The following CD2AP variants were observed in gnomAD, a reference collection of about 807,000 sequenced individuals.
The protein encoded by CD2AP is CD2-associated protein.
A neutral mutation model predicts 85.1 loss-of-function variants in CD2AP; 46 were observed. The observed-to-expected ratio is 0.54, with a 90% confidence interval of 0.43 to 0.69. The LOEUF (loss-of-function observed/expected upper bound fraction) is 0.69, where lower values mean the gene tolerates loss of function less well. Ranked by LOEUF, CD2AP falls within the 30% of genes least tolerant of loss-of-function variation. The probability of loss-of-function intolerance (pLI) is 0.00; values close to 1 mark genes in which losing one functional copy is unlikely to be tolerated. For synonymous variants in CD2AP, 255 were observed against 252.9 expected (o/e 1.01, Z -0.08); for missense variants, 769 against 729.5 (o/e 1.05, Z -0.62).
intron 1 of CD2AP, 57 bp downstream of exon 1, chr6:47,478,305 T>C: frequency 6.4e-7 from 1 of 1,557,268 alleles, no homozygotes; most frequent in South Asian, 1.2e-5. Context: ...CCGGGGAGGC[T>C]GTGCCCTTTC....
At chr6:47,553,925 A>G (rs949339554) in intron 4 of CD2AP, among the ~76,000 whole-genome samples, 17 of 152,136 alleles carry the variant, frequency 1.1e-4, no homozygotes, top group African/African-American at 4.1e-4. Context: ...TAGGTTTAGC[A>G]ATTTTCTGTG....
At position 47,478,167 on chromosome 6, in the gene CD2AP, G is replaced by C; in HGVS notation, c.-78G>C. On this transcript the variant is annotated 5_prime_UTR_variant, in exon 1 of 18. Coordinates refer to ENST00000359314, the MANE Select transcript of CD2AP (RefSeq NM_012120.3). The stretch of plus-strand genomic sequence containing the variant: ...GAGCGCGGGTCCCGCCTCCAGCCGC[G>C]GGAGCGGCCGCGCGAGCCACCACTG... 2 of 1,537,790 alleles carry C rather than the reference G, an allele frequency of 1.3e-6. No homozygotes were observed. Among genetic ancestry groups the C allele is most frequent in the Non-Finnish European group, 1.8e-6 (2 of 1,136,912 alleles).
chr6:47,510,951 T>G (rs1433580115), intron 2 of CD2AP, among the ~76,000 whole-genome samples: 1 of 151,798 alleles, frequency 6.6e-6, no homozygotes, highest in Non-Finnish European at 1.5e-5. Context: ...CGTGCGCCTG[T>G]AGTCCCAGCT....
chr6:47,525,962 C>CT (rs1766710759), intron 2 of CD2AP, among the ~76,000 whole-genome samples: 1 of 152,022 alleles, frequency 6.6e-6, no homozygotes, highest in Admixed American at 6.6e-5. Flanking sequence ...AGTGAGGACT[C>CT]TTTTTTACTA....
At chr6:47,569,844 T>TA (rs1768102569) in intron 5 of CD2AP, among the ~76,000 whole-genome samples, 1 of 152,150 alleles carries the variant, frequency 6.6e-6, no homozygotes, top group African/African-American at 2.4e-5. Context: ...CATATATTAG[T>TA]ATTCACCTTA....
At chr6:47,494,409 A>AAT (rs914979192) in intron 1 of CD2AP, among the ~76,000 whole-genome samples, 1 of 152,144 alleles carries the variant, frequency 6.6e-6, no homozygotes, top group African/African-American at 2.4e-5. Context: ...GGAAAGGGGA[A>AAT]ATATACTATT....
Position 47,607,055 on chromosome 6 carries a change from CAA to C in CD2AP, c.1530+780_1530+781del, listed in dbSNP as rs573149028. Among the ~76,000 whole-genome samples the C allele has an allele frequency of 3.2e-4, 49 of 152,082 alleles. No individual in the cohort carries two copies. The East Asian group carries it at 8.3e-3, about 26-fold the overall frequency. On this transcript the variant is annotated intron_variant, in intron 14 of 17. Coordinates refer to ENST00000359314, the MANE Select transcript of CD2AP (RefSeq NM_012120.3). ...TTTTAATTTTTATAGTGAGAATATG[CAA>C]AGTTTGTTCTTCTGTGCCAGGTTTA... is the stretch of plus-strand genomic sequence containing the variant.
intron 12 of CD2AP, among the ~76,000 whole-genome samples, chr6:47,599,003 G>T (rs1769031008): frequency 6.7e-6 from 1 of 150,254 alleles, no homozygotes. Flanking sequence ...TTCCAGAGTT[G>T]TCCTTCTATT....
At chr6:47,520,477 C>T (rs1766558578) in intron 2 of CD2AP, among the ~76,000 whole-genome samples, 1 of 152,160 alleles carries the variant, frequency 6.6e-6, no homozygotes, top group South Asian at 2.1e-4. Flanking sequence ...GGCAGATGTA[C>T]TTCATTAGTG....
chr6:47,521,691 C>T (rs538936387), intron 2 of CD2AP, among the ~76,000 whole-genome samples: 2 of 152,018 alleles, frequency 1.3e-5, no homozygotes, highest in African/African-American at 4.8e-5. Flanking sequence ...TAGTTGATAC[C>T]CTTTAAGTTA....
intron 2 of CD2AP, among the ~76,000 whole-genome samples, chr6:47,527,898 C>T (rs912749932): frequency 1.1e-4 from 16 of 152,108 alleles, no homozygotes; most frequent in African/African-American, 1.4e-4. Context: ...ATCAAGTCGT[C>T]GTCTTTACCT....
intron 12 of CD2AP, among the ~76,000 whole-genome samples, chr6:47,596,245 A>G (rs1169550761): frequency 6.6e-6 from 1 of 152,126 alleles, no homozygotes; most frequent in African/African-American, 2.4e-5. Flanking sequence ...AACTGTGATA[A>G]CCTCACATAG....
intron 11 of CD2AP, among the ~76,000 whole-genome samples, chr6:47,586,058 A>G (rs1271941812): frequency 3.9e-5 from 6 of 152,224 alleles, no homozygotes; most frequent in African/African-American, 2.4e-5. Context: ...GAAAATAGCA[A>G]TACACAACCA....
intron 1 of CD2AP, among the ~76,000 whole-genome samples, chr6:47,492,677 T>G (rs1216727487): frequency 6.6e-6 from 1 of 152,190 alleles, no homozygotes. Context: ...TTTTAATAAA[T>G]GTAAGGTCTG....
rs1253535990 is a variant in CD2AP, at chr6:47,624,197, G to A, written c.1890G>A (p.Glu630=). 1.2e-6 allele frequency: 2 copies of A among 1,611,576 alleles called. No homozygotes were observed. Among genetic ancestry groups the A allele is most frequent in the East Asian group, 2.2e-5 (1 of 44,750 alleles). ...TMRSNLEMEI[E]KLKKAVLSS is the part of the protein sequence containing the mutation. ...GTTTTTTGTTTTAGATGGAAATAGA[G>A]AAGCTGAAAAAAGCTGTCCTGTCTT... The change falls in exon 18 of 18, where the codon GAG becomes GAA. Residue 630 remains glutamate, a synonymous_variant. Transcript: ENST00000359314.
chr6:47,488,377 G>A (rs1765621617), intron 1 of CD2AP, among the ~76,000 whole-genome samples: 1 of 152,014 alleles, frequency 6.6e-6, no homozygotes, highest in Non-Finnish European at 1.5e-5. Flanking sequence ...ATACTGAGTT[G>A]TTACATATGT....
chr6:47,483,792 GT>G (rs1381345401), intron 1 of CD2AP, among the ~76,000 whole-genome samples: 160 of 113,968 alleles, frequency 1.4e-3, no homozygotes, highest in East Asian at 3.4e-3. Flanking sequence ...TGATGTGCCT[GT>G]TTTTTTTTTT....
In CD2AP at chr6:47,599,156, G is replaced by A. The variant is rs991046481; in HGVS notation, c.1275-145G>A. The A allele has an allele frequency of 1.8e-5, 11 of 603,690 alleles. No individual in the cohort carries two copies. The Admixed American group carries it at 2.9e-4, about 16-fold the overall frequency. The allele number at this position is 603,690 out of a possible 1,614,324, so 37.4% of individuals were successfully genotyped here. A position where few individuals can be genotyped will look rare whatever the true frequency, so the allele number is the denominator to read the frequency against. ...TATTTTATTGTGATCAGCCTTAGGAGAGAGTTTTGCGTTTATGGAAATGGT... is the reference window on the plus strand; with the variant it reads ...TATTTTATTGTGATCAGCCTTAGGAAAGAGTTTTGCGTTTATGGAAATGGT... On this transcript the variant is annotated intron_variant, in intron 12 of 17. Transcript: ENST00000359314.
At chr6:47,520,091 AT>A (rs535059637) in intron 2 of CD2AP, among the ~76,000 whole-genome samples, 113 of 145,548 alleles carry the variant, frequency 7.8e-4, no homozygotes, top group Middle Eastern at 3.6e-3. Flanking sequence ...TGTGGAAATG[AT>A]TTTTTTTTTT....
Sources: allele counts gnomAD v4.1 joint callset (sites outside exome capture counted in the v4.1 genomes callset), GRCh38; gene constraint gnomAD v4.1.1; transcripts MANE v1.5; gene names NCBI Gene and HGNC (gene_info 2026-07-23, HGNC 2026-07-21).